The following TBC1D9 variants were observed in gnomAD, a reference collection of about 807,000 sequenced individuals.
The protein encoded by TBC1D9 is TBC1 domain family member 9.
TBC1D9 carries 63 observed loss-of-function variants against 132.0 expected under a neutral mutation model. The ratio of observed to expected loss-of-function variants is 0.48; its 90% CI spans 0.39 to 0.59. The LOEUF (loss-of-function observed/expected upper bound fraction) is 0.59. Ranked by LOEUF, TBC1D9 falls within the 20% of genes least tolerant of loss-of-function variation. The pLI, the probability that TBC1D9 is intolerant of heterozygous loss-of-function variation, is 0.00. For synonymous variants in TBC1D9, 610 were observed against 609.9 expected, an observed-to-expected ratio of 1.00 and a Z score of 0.00; for missense variants, 1,261 against 1,592.7, an observed-to-expected ratio of 0.79 and a Z score of 3.54.
intron 9 of TBC1D9, among the ~76,000 whole-genome samples, chr4:140,663,338 A>G (rs573817269): frequency 5.6e-4 from 85 of 152,328 alleles, no homozygotes; most frequent in Middle Eastern, 3.4e-3. Context: ...CAAAACTACA[A>G]TGAAATACCA....
intron 16 of TBC1D9, among the ~76,000 whole-genome samples, chr4:140,631,510 T>C (rs1372739529): frequency 6.6e-6 from 1 of 152,100 alleles, no homozygotes; most frequent in Non-Finnish European, 1.5e-5. Context: ...ACAAAGACCA[T>C]CTATCTGTTT....
At chr4:140,703,731 A>G (rs1738107759) in intron 1 of TBC1D9, among the ~76,000 whole-genome samples, 1 of 152,240 alleles carries the variant, frequency 6.6e-6, no homozygotes, top group Non-Finnish European at 1.5e-5. Flanking sequence ...AAACAAACAA[A>G]AAACTTTTGC....
chr4:140,712,574 C>T (rs1174495771), intron 1 of TBC1D9, among the ~76,000 whole-genome samples: 1 of 150,992 alleles, frequency 6.6e-6, no homozygotes, highest in East Asian at 1.9e-4. Context: ...AAGCCCATCT[C>T]TACTAAAAAT....
Position 140,686,330 on chromosome 4 carries a change from T to C in TBC1D9, c.360+14A>G. ...ATTATTTCCAATTAAAATGTTTTTC[T>C]TTTATCCCACTACCTGTATTTTTCC... On this transcript the variant is annotated intron_variant, in intron 3 of 20. Coordinates refer to ENST00000442267, the MANE Select transcript of TBC1D9 (RefSeq NM_015130.3). 1 of 1,359,602 alleles carries C rather than the reference T, an allele frequency of 7.4e-7. No homozygotes were observed. The highest frequency in any genetic ancestry group is 1.2e-5 in the South Asian group (1 of 80,598). The allele number at this position is 1,359,602 out of a possible 1,614,324, so 84.2% of individuals were successfully genotyped here. A position where few individuals can be genotyped will look rare whatever the true frequency, so the allele number is the denominator to read the frequency against.
At chr4:140,644,190 G>T in intron 13 of TBC1D9, 1 of 340,562 alleles carries the variant, frequency 2.9e-6, no homozygotes. Flanking sequence ...CGGATACCTG[G>T]GCGGCATATC....
chr4:140,647,790 C>T (rs1284331396), intron 13 of TBC1D9, among the ~76,000 whole-genome samples: 1 of 152,194 alleles, frequency 6.6e-6, no homozygotes, highest in African/African-American at 2.4e-5. Flanking sequence ...TGGCCCTTCC[C>T]TCTGGAGCAA....
At chr4:140,723,309 C>A (rs1339044110) in intron 1 of TBC1D9, among the ~76,000 whole-genome samples, 1 of 152,194 alleles carries the variant, frequency 6.6e-6, no homozygotes, top group African/African-American at 2.4e-5. Flanking sequence ...GTGTCAGCCA[C>A]AGACCTGGCT....
Position 140,670,939 on chromosome 4 carries a change from G to A in TBC1D9, c.1060-13C>T, listed in dbSNP as rs1384979665. 6.2e-7 allele frequency: 1 copy of A among 1,611,654 alleles called. No homozygotes were observed. Among genetic ancestry groups the A allele is most frequent in the Non-Finnish European group, 8.5e-7 (1 of 1,178,098 alleles). On this transcript the variant is annotated splice_polypyrimidine_tract_variant and intron_variant, in intron 6 of 20. Coordinates refer to ENST00000442267, the MANE Select transcript of TBC1D9 (RefSeq NM_015130.3). ...CCACAATTGTCACCTGAAAAGAAGT[G>A]GGAAACAAAGAGCATTATTTTCCAA...
chr4:140,626,386 C>T (rs1243297525), intron 18 of TBC1D9, among the ~76,000 whole-genome samples: 1 of 152,196 alleles, frequency 6.6e-6, no homozygotes, highest in East Asian at 1.9e-4. Context: ...TCCAAAGCTC[C>T]TACCCTCAAC....
At chr4:140,663,070 A>T (rs1737389839) in intron 9 of TBC1D9, among the ~76,000 whole-genome samples, 1 of 152,206 alleles carries the variant, frequency 6.6e-6, no homozygotes, top group Non-Finnish European at 1.5e-5. Flanking sequence ...ATAGCATCAA[A>T]CTAAAAAGCT....
intron 1 of TBC1D9, among the ~76,000 whole-genome samples, chr4:140,752,259 A>G (rs1412374080): frequency 6.6e-6 from 1 of 152,222 alleles, no homozygotes; most frequent in East Asian, 1.9e-4. Flanking sequence ...TGAATGAATT[A>G]CAACCAACAG....
intron 1 of TBC1D9, among the ~76,000 whole-genome samples, chr4:140,730,618 CA>C: frequency 6.6e-6 from 1 of 152,070 alleles, no homozygotes; most frequent in Non-Finnish European, 1.5e-5. Flanking sequence ...CCCAGCTACT[CA>C]AAAGGATGAG....
chr4:140,721,994 T>G (rs976132996), intron 1 of TBC1D9, among the ~76,000 whole-genome samples: 6 of 152,122 alleles, frequency 3.9e-5, no homozygotes, highest in African/African-American at 1.2e-4. Context: ...CCTAGCCCAT[T>G]CTCCCAGGTC....
At chr4:140,700,471 T>C (rs888134061) in intron 2 of TBC1D9, among the ~76,000 whole-genome samples, 2 of 150,766 alleles carry the variant, frequency 1.3e-5, no homozygotes, top group Admixed American at 6.6e-5. Context: ...AAAAAAAAAC[T>C]TGCCCAGTTT....
chr4:140,718,223 G>GT (rs543663893), intron 1 of TBC1D9, among the ~76,000 whole-genome samples: 1 of 122,740 alleles, frequency 8.1e-6, no homozygotes, highest in Non-Finnish European at 1.7e-5. Flanking sequence ...GATATACCTA[G>GT]TTTTTTTTCT....
chr4:140,687,489 T>TATATTTTA (rs1306830763), intron 2 of TBC1D9, among the ~76,000 whole-genome samples: 2 of 150,350 alleles, frequency 1.3e-5, no homozygotes, highest in East Asian at 4.0e-4. Flanking sequence ...ATTTCCAAGT[T>TATATTTTA]ATATTTTAAT....
intron 2 of TBC1D9, among the ~76,000 whole-genome samples, chr4:140,697,034 G>A (rs947420150): frequency 7.2e-5 from 11 of 152,104 alleles, no homozygotes; most frequent in Non-Finnish European, 1.5e-4. Context: ...ATCTTATCAT[G>A]AAAAGGAGCC....
intron 13 of TBC1D9, among the ~76,000 whole-genome samples, chr4:140,646,152 G>A (rs764149029): frequency 6.6e-6 from 1 of 152,188 alleles, no homozygotes; most frequent in Non-Finnish European, 1.5e-5. Flanking sequence ...GGGTCCTCAT[G>A]ATCATTCCAG....
intron 1 of TBC1D9, among the ~76,000 whole-genome samples, chr4:140,751,823 T>A (rs926135468): frequency 5.3e-5 from 8 of 152,156 alleles, no homozygotes; most frequent in African/African-American, 1.9e-4. Context: ...CTAATAAACA[T>A]ATGGAAAAAT....
Sources: gnomAD v4.1 joint callset for allele counts (sites outside exome capture counted in the v4.1 genomes callset) on GRCh38, gnomAD v4.1.1 for gene constraint, MANE v1.5 for transcripts, NCBI Gene and HGNC (gene_info 2026-07-23, HGNC 2026-07-21) for gene names.